The following TRPC4 variants were observed in gnomAD, a reference collection of about 807,000 sequenced individuals.
TRPC4 encodes transient receptor potential cation channel subfamily C member 4.
In TRPC4, 49 loss-of-function variants were observed where a neutral mutation model predicts 99.4. The observed-to-expected ratio is 0.49, with a 90% CI of 0.39 to 0.63. The LOEUF (loss-of-function observed/expected upper bound fraction) is 0.63. TRPC4 is among the 20% of genes least tolerant of loss of function. The probability of loss-of-function intolerance (pLI) is 0.00; values close to 1 mark genes in which losing one functional copy is unlikely to be tolerated. For missense variants in TRPC4, 898 were observed against 1,152.9 expected, an observed-to-expected ratio of 0.78 and a Z score of 3.20; for synonymous variants, 454 against 425.9, an observed-to-expected ratio of 1.07 and a Z score of -0.81.
At chr13:37,665,380 GCTCAGGA>G (rs1224080038) in intron 5 of TRPC4, among the ~76,000 whole-genome samples, 1 of 152,076 alleles carries the variant, frequency 6.6e-6, no homozygotes, top group Non-Finnish European at 1.5e-5. Flanking sequence ...ACCTAATATA[GCTCAGGA>G]CTATATTTTA....
At chr13:37,702,978 A>G (rs760218283) in intron 3 of TRPC4, among the ~76,000 whole-genome samples, 2 of 152,150 alleles carry the variant, frequency 1.3e-5, no homozygotes, top group Non-Finnish European at 2.9e-5. Context: ...GGATGAAAAA[A>G]AATTGAAGGT....
chr13:37,686,825 T>G (rs191722288), intron 4 of TRPC4, among the ~76,000 whole-genome samples: 21 of 152,324 alleles, frequency 1.4e-4, no homozygotes, highest in African/African-American at 2.2e-4. Context: ...TGCATAGATT[T>G]GCATACTGTT....
chr13:37,830,319 G>A (rs1162044177), intron 1 of TRPC4, among the ~76,000 whole-genome samples: 1 of 151,584 alleles, frequency 6.6e-6, no homozygotes, highest in African/African-American at 2.4e-5. Context: ...TGTATCTATA[G>A]GAAAAAATAA....
chr13:37,742,233 G>C (rs1374060295), intron 3 of TRPC4, among the ~76,000 whole-genome samples: 2 of 152,130 alleles, frequency 1.3e-5, no homozygotes, highest in Non-Finnish European at 2.9e-5. Flanking sequence ...GATGAGATTA[G>C]AGAAGTACCA....
At chr13:37,859,257 A>G (rs1187017368) in intron 1 of TRPC4, among the ~76,000 whole-genome samples, 1 of 151,426 alleles carries the variant, frequency 6.6e-6, no homozygotes, top group Non-Finnish European at 1.5e-5. Context: ...AGAACATGAC[A>G]TAGTGTGAAA....
chr13:37,708,078 T>C (rs1954350079), intron 3 of TRPC4, among the ~76,000 whole-genome samples: 1 of 152,136 alleles, frequency 6.6e-6, no homozygotes, highest in Admixed American at 6.6e-5. Context: ...AGATTGTATT[T>C]CTTGGTTCAA....
Position 37,674,304 on chromosome 13 carries a change from C to A in TRPC4, c.1298G>T (p.Trp433Leu). ...DGGLQDYIHD[W>L]WNLMDFVMNS... is the part of the protein sequence containing the mutation. ...CATTACAAAGTCCATTAGATTCCAC[C>A]AATCATGGATGTAGTCCTGAAGTCC... The change falls in exon 5 of 11, where the codon TGG becomes TTG. Residue 433 changes from tryptophan to leucine, a missense_variant. By Grantham distance (61) the Trp-to-Leu change is moderately conservative. Coordinates refer to ENST00000379705, the MANE Select transcript of TRPC4 (RefSeq NM_016179.4). 1 of 1,607,456 alleles carries A rather than the reference C, an allele frequency of 6.2e-7. No individual in the cohort carries two copies. The highest frequency in any genetic ancestry group is 8.5e-7 in the Non-Finnish European group (1 of 1,178,162).
chr13:37,749,786 C>A (rs1413976321), intron 2 of TRPC4, among the ~76,000 whole-genome samples: 1 of 152,038 alleles, frequency 6.6e-6, no homozygotes, highest in Non-Finnish European at 1.5e-5. Context: ...CCCATGAATT[C>A]TTTCTTTTAT....
intron 2 of TRPC4, among the ~76,000 whole-genome samples, chr13:37,750,204 T>C (rs1161711206): frequency 2.0e-4 from 31 of 152,288 alleles, no homozygotes; most frequent in Admixed American, 2.0e-3. Flanking sequence ...CAATTTCTAT[T>C]TTATTTCATT....
At position 37,703,996 on chromosome 13, in the gene TRPC4, G is replaced by A. The variant is rs114243339; in HGVS notation, c.898-11661C>T. 9.3e-3 allele frequency among the ~76,000 whole-genome samples: 1,415 copies of A among 152,180 alleles called. 34 individuals are homozygous for A. Among genetic ancestry groups the A allele is most frequent in the African/African-American group, 0.033 (1,361 of 41,526 alleles). ...CCCAGGACTGGATAAGCAAAATATG[G>A]TATATTCATATAATGGAAGATTAGT... On this transcript the variant is annotated intron_variant, in intron 3 of 10. Transcript: ENST00000379705.
chr13:37,682,318 T>C (rs1047909321), intron 4 of TRPC4, among the ~76,000 whole-genome samples: 1 of 152,192 alleles, frequency 6.6e-6, no homozygotes, highest in African/African-American at 2.4e-5. Flanking sequence ...ACACAAAAAT[T>C]TCCTCCCTGC....
intron 1 of TRPC4, among the ~76,000 whole-genome samples, chr13:37,868,178 ATAAAT>A (rs1468139363): frequency 7.0e-6 from 1 of 142,312 alleles, no homozygotes; most frequent in African/African-American, 3.1e-5. Flanking sequence ...CAACAGAAAA[ATAAAT>A]AATATAACCA....
chr13:37,723,557 T>C (rs1478472890), intron 3 of TRPC4, among the ~76,000 whole-genome samples: 2 of 152,152 alleles, frequency 1.3e-5, no homozygotes, highest in Non-Finnish European at 1.5e-5. Context: ...TTATTGTTTT[T>C]TTGTTTTGTT....
intron 1 of TRPC4, among the ~76,000 whole-genome samples, chr13:37,843,701 C>CAA (rs1958805261): frequency 6.8e-6 from 1 of 147,422 alleles, no homozygotes; most frequent in African/African-American, 2.6e-5. Flanking sequence ...CACACACACA[C>CAA]ACACGCACAC....
intron 1 of TRPC4, among the ~76,000 whole-genome samples, chr13:37,844,775 A>G (rs371308791): frequency 1.3e-5 from 2 of 152,014 alleles, no homozygotes; most frequent in South Asian, 4.2e-4. Context: ...AAACCGTGAT[A>G]CTCTTCTTCA....
At chr13:37,722,994 T>C (rs565628066) in intron 3 of TRPC4, among the ~76,000 whole-genome samples, 1 of 152,058 alleles carries the variant, frequency 6.6e-6, no homozygotes, top group Admixed American at 6.6e-5. Context: ...GGGGAGGAAG[T>C]GTTGACTAGT....
intron 1 of TRPC4, among the ~76,000 whole-genome samples, chr13:37,819,961 G>C (rs1204493901): frequency 6.6e-6 from 1 of 151,326 alleles, no homozygotes; most frequent in Non-Finnish European, 1.5e-5. Context: ...ATGAACCAAA[G>C]GAAATTGAGA....
In TRPC4 at chr13:37,663,473, G is replaced by C. The variant is rs1369068462; in HGVS notation, c.1631C>G (p.Thr544Arg). Residue 544 changes from threonine (T) to arginine (R), a missense_variant, in exon 6 of 11, where the codon ACG becomes AGG. Transcript: ENST00000379705. ...TATGCCTTTGCAGGTTAACCCTTTC[G>C]TTTCTTCATAATAGAAGTACAATTG... ...LNQLYFYYEETKGLTCKGIRC... is the reference protein window; with the variant it reads ...LNQLYFYYEERKGLTCKGIRC... The C allele has an allele frequency of 6.2e-7, 1 of 1,613,950 alleles. No homozygotes were observed. The highest frequency in any genetic ancestry group is 2.2e-5 in the East Asian group (1 of 44,878).
intron 3 of TRPC4, among the ~76,000 whole-genome samples, chr13:37,730,592 T>TACAC (rs200044720): frequency 6.6e-6 from 1 of 150,604 alleles, no homozygotes; most frequent in Admixed American, 6.6e-5. Context: ...TGTACACACA[T>TACAC]ACACACACAC....
Sources: allele counts gnomAD v4.1 joint callset (sites outside exome capture counted in the v4.1 genomes callset), GRCh38; gene constraint gnomAD v4.1.1; transcripts MANE v1.5; gene names NCBI Gene and HGNC (gene_info 2026-07-23, HGNC 2026-07-21).